Variants in GK5 observed in about 807,000 individuals in gnomAD.
GK5 encodes glycerol kinase 5.
A neutral mutation model predicts 77.3 loss-of-function variants in GK5; 39 were observed. That is an observed-to-expected ratio of 0.50 (90% CI 0.39 to 0.66). The LOEUF (loss-of-function observed/expected upper bound fraction) is 0.66. Ranked by LOEUF, GK5 falls within the 30% of genes least tolerant of loss-of-function variation. The pLI is 0.00. For synonymous variants in GK5, 211 were observed against 208.0 expected (o/e 1.01, Z -0.13); for missense variants, 487 against 633.8 (o/e 0.77, Z 2.49).
At chr3:142,223,783 A>G (rs1464147254) in intron 1 of GK5, among the ~76,000 whole-genome samples, 2 of 152,234 alleles carry the variant, frequency 1.3e-5, no homozygotes, top group East Asian at 1.9e-4. Flanking sequence ...GGTTGCAGTG[A>G]GCCGAGATCA....
At chr3:142,220,021 G>A (rs1392985359) in intron 1 of GK5, among the ~76,000 whole-genome samples, 3 of 152,220 alleles carry the variant, frequency 2.0e-5, no homozygotes, top group Non-Finnish European at 4.4e-5. Context: ...AAGTCAAAAT[G>A]ATGGCTTAAA....
At chr3:142,186,613 T>C (rs867621995) in intron 6 of GK5, 100 bp from the exon 7 acceptor site, 3 of 474,926 alleles carry the variant, frequency 6.3e-6, no homozygotes, top group African/African-American at 2.0e-5. Flanking sequence ...TCAAATTCAT[T>C]CCAAAATGTG....
At chr3:142,192,919 CTA>C (rs1158417227) in intron 5 of GK5, among the ~76,000 whole-genome samples, 1 of 152,066 alleles carries the variant, frequency 6.6e-6, no homozygotes, top group African/African-American at 2.4e-5. Flanking sequence ...TCTGTAAAGT[CTA>C]TATACTATAT....
chr3:142,202,266 A>T (rs1275453371), intron 4 of GK5, among the ~76,000 whole-genome samples: 2 of 152,210 alleles, frequency 1.3e-5, no homozygotes, highest in African/African-American at 4.8e-5. Context: ...GAATAAGAAC[A>T]AAAAAGTAAG....
intron 5 of GK5, among the ~76,000 whole-genome samples, chr3:142,192,033 G>T (rs771441700): frequency 2.6e-5 from 4 of 152,036 alleles, no homozygotes; most frequent in Admixed American, 6.6e-5. Flanking sequence ...AATGGCAAAA[G>T]ATCTGAACAG....
At chr3:142,181,430 G>A in intron 11 of GK5, 31 bp downstream of exon 11, 1 of 1,343,450 alleles carries the variant, frequency 7.4e-7, no homozygotes, top group Non-Finnish European at 1.1e-6. Context: ...TTTAGGTCTG[G>A]CTTGTGAAAT....
intron 5 of GK5, 61 bp downstream of exon 5, chr3:142,198,739 CAT>C (rs2063972443): frequency 7.3e-7 from 1 of 1,375,178 alleles, no homozygotes; most frequent in African/African-American, 1.5e-5. Context: ...TTTTCTTCCC[CAT>C]AGTCTTTATA....
chr3:142,195,962 C>T (rs1415788096), intron 5 of GK5, among the ~76,000 whole-genome samples: 1 of 152,100 alleles, frequency 6.6e-6, no homozygotes, highest in Non-Finnish European at 1.5e-5. Flanking sequence ...TGGCTCTGGG[C>T]TTTTCTAGGT....
intron 5 of GK5, 59 bp downstream of exon 5, chr3:142,198,743 G>A (rs779558649): frequency 7.2e-5 from 102 of 1,414,532 alleles, no homozygotes; most frequent in Non-Finnish European, 8.5e-5. Context: ...CTTCCCCATA[G>A]TCTTTATATG....
At chr3:142,185,472 T>C in intron 9 of GK5, 1 of 982,754 alleles carries the variant, frequency 1.0e-6, no homozygotes, top group Non-Finnish European at 1.2e-6. Flanking sequence ...ACTTATTTAC[T>C]GGTAGATGAT....
intron 5 of GK5, among the ~76,000 whole-genome samples, chr3:142,192,763 C>CAAAA (rs201417747): frequency 1.2e-5 from 1 of 82,890 alleles, no homozygotes; most frequent in African/African-American, 4.1e-5. Flanking sequence ...GACTCTGTCT[C>CAAAA]AAAAAAAAAA....
chr3:142,208,935 G>A (rs191676507), intron 3 of GK5, among the ~76,000 whole-genome samples: 1 of 152,274 alleles, frequency 6.6e-6, no homozygotes, highest in Non-Finnish European at 1.5e-5. Context: ...GGATCACGAG[G>A]TCAGGAAATC....
At chr3:142,185,659 A>T in intron 9 of GK5, 1 of 1,242,554 alleles carries the variant, frequency 8.0e-7, no homozygotes, top group Non-Finnish European at 1.0e-6. Flanking sequence ...AATTTTTTTT[A>T]ATTTAAGTTT....
At chr3:142,212,948 C>A (rs2064213676) in intron 3 of GK5, among the ~76,000 whole-genome samples, 1 of 151,522 alleles carries the variant, frequency 6.6e-6, no homozygotes, top group South Asian at 2.1e-4. Flanking sequence ...CATTCTCCTG[C>A]CTCAGCCTCC....
At chr3:142,188,975 A>T (rs1289842520) in intron 5 of GK5, among the ~76,000 whole-genome samples, 6 of 152,186 alleles carry the variant, frequency 3.9e-5, no homozygotes, top group Admixed American at 3.3e-4. Context: ...AAAGTTTATC[A>T]CCTCTATAAC....
chr3:142,170,527 T>C (rs2063523792), intron 14 of GK5, 69 bp from the exon 15 acceptor site: 1 of 1,288,416 alleles, frequency 7.8e-7, no homozygotes, highest in South Asian at 1.5e-5. Context: ...GTGGGCCACA[T>C]TTTTTTCCTG....
At chr3:142,173,654 A>T (rs1341598673) in intron 12 of GK5, among the ~76,000 whole-genome samples, 1 of 152,100 alleles carries the variant, frequency 6.6e-6, no homozygotes, top group East Asian at 1.9e-4. Context: ...ACTGCACTCT[A>T]GCCTGGGCAA....
rs757337565 is a variant in GK5, at chr3:142,157,788, G to A, written c.*7834C>T. The A allele has an allele frequency of 6.6e-6, 1 of 152,034 alleles. No homozygotes were observed. Among genetic ancestry groups the A allele is most frequent in the Non-Finnish European group, 1.5e-5 (1 of 68,026 alleles). 9.4% of individuals were successfully genotyped at this position (152,034 alleles called of 1,614,324 possible). ...CCACTTCTCTAGTAATTTCCATCGT[G>A]CAAGAATGTAGAATATAGACTAATA... On this transcript the variant is annotated 3_prime_UTR_variant, in exon 16 of 16. Transcript: ENST00000392993.
Position 142,206,202 on chromosome 3 carries a change from G to A in GK5, c.318-1414C>T, listed in dbSNP as rs558480235. The stretch of plus-strand genomic sequence containing the variant: ...GGGTTGTTTGTACTCTTTGGTTATC[G>A]TGATTACTGCTGCTTTAATATTGTT... On this transcript the variant is annotated intron_variant, in intron 3 of 15. Coordinates refer to ENST00000392993, the MANE Select transcript of GK5 (RefSeq NM_001039547.3). Among the ~76,000 whole-genome samples, 13 of 152,254 alleles carry A rather than the reference G, an allele frequency of 8.5e-5. No individual in the cohort carries two copies. In the East Asian group the frequency reaches 9.6e-4, roughly 11 times the overall value.
Sources: allele counts gnomAD v4.1 joint callset (sites outside exome capture counted in the v4.1 genomes callset), GRCh38; gene constraint gnomAD v4.1.1; transcripts MANE v1.5; gene names NCBI Gene and HGNC (gene_info 2026-07-23, HGNC 2026-07-21).